CDK17: variants seen among roughly 807,000 people sequenced by gnomAD.
CDK17 encodes the protein cyclin dependent kinase 17.
A neutral mutation model predicts 77.6 loss-of-function variants in CDK17; 24 were observed. The observed-to-expected ratio is 0.31, with a 90% CI of 0.22 to 0.44. The LOEUF (loss-of-function observed/expected upper bound fraction) is 0.44, where lower values mean the gene tolerates loss of function less well. Among genes scored for constraint, CDK17 ranks in the 20% least tolerant of loss-of-function variants. The pLI, the probability that CDK17 is intolerant of heterozygous loss-of-function variation, is 1.00. For missense variants in CDK17, 429 were observed against 622.5 expected, an observed-to-expected ratio of 0.69 and a Z score of 3.31; for synonymous variants, 203 against 210.4, an observed-to-expected ratio of 0.96 and a Z score of 0.30.
At chr12:96,329,684 C>G (rs1408213151) in intron 2 of CDK17, among the ~76,000 whole-genome samples, 2 of 152,168 alleles carry the variant, frequency 1.3e-5, no homozygotes, top group African/African-American at 4.8e-5. Context: ...CTTAAACTCC[C>G]TATGTTATCC....
chr12:96,365,736 G>A (rs1039479027), intron 1 of CDK17, among the ~76,000 whole-genome samples: 5 of 152,100 alleles, frequency 3.3e-5, no homozygotes, highest in African/African-American at 9.7e-5. Flanking sequence ...TTTCTCTTAC[G>A]TATTTTTAAA....
intron 3 of CDK17, among the ~76,000 whole-genome samples, chr12:96,319,223 C>G (rs1314305499): frequency 6.6e-6 from 1 of 151,758 alleles, no homozygotes; most frequent in Admixed American, 6.6e-5. Flanking sequence ...TTCCTCAACA[C>G]ATACACTCTC....
chr12:96,334,369 G>A (rs1376089124), intron 2 of CDK17, among the ~76,000 whole-genome samples: 1 of 152,116 alleles, frequency 6.6e-6, no homozygotes, highest in Non-Finnish European at 1.5e-5. Flanking sequence ...GCACTTTTAA[G>A]CTGTATTAAC....
intron 5 of CDK17, among the ~76,000 whole-genome samples, chr12:96,308,229 T>TAAAA (rs61572243): frequency 1.6e-5 from 1 of 63,734 alleles, no homozygotes. Context: ...ATGCCATCTC[T>TAAAA]AAAAAAAAAA....
rs539808937 is a variant in CDK17 at position 96,353,297 on chromosome 12, T to G, written c.-29-18432A>C. ...ATGGAGATCCATTTATATAAATAAA[T>G]GTAGCTATACGTCATCTTTCTAAAT... On this transcript the variant is annotated intron_variant, in intron 1 of 16. Coordinates refer to ENST00000261211, the MANE Select transcript of CDK17 (RefSeq NM_002595.5). Among the ~76,000 whole-genome samples, 125 of 152,342 alleles carry G rather than the reference T, an allele frequency of 8.2e-4. 1 individual carries two copies. Among genetic ancestry groups the G allele is most frequent in the African/African-American group, 2.9e-3 (120 of 41,574 alleles).
intron 1 of CDK17, among the ~76,000 whole-genome samples, chr12:96,361,731 C>T (rs1206463051): frequency 2.6e-5 from 4 of 152,100 alleles, no homozygotes; most frequent in Admixed American, 6.5e-5. Context: ...TCTTACAAAA[C>T]GGAATCAAGA....
intron 1 of CDK17, among the ~76,000 whole-genome samples, chr12:96,397,023 C>T (rs971707256): frequency 6.6e-6 from 1 of 152,164 alleles, no homozygotes; most frequent in African/African-American, 2.4e-5. Context: ...ATAGCTACCC[C>T]AGTTGCCATT....
At chr12:96,299,677 C>A (rs1346069848) in intron 6 of CDK17, among the ~76,000 whole-genome samples, 4 of 152,226 alleles carry the variant, frequency 2.6e-5, no homozygotes, top group Non-Finnish European at 5.9e-5. Flanking sequence ...GCGTGAGCCA[C>A]CGCGCCCGGC....
chr12:96,297,149 C>T, intron 9 of CDK17, 121 bp downstream of exon 9: 1 of 572,152 alleles, frequency 1.7e-6, no homozygotes, highest in Non-Finnish European at 3.0e-6. Flanking sequence ...GGACAATAAC[C>T]TATTTAAAAG....
At chr12:96,365,592 T>C (rs1445715478) in intron 1 of CDK17, among the ~76,000 whole-genome samples, 1 of 152,246 alleles carries the variant, frequency 6.6e-6, no homozygotes, top group Non-Finnish European at 1.5e-5. Context: ...CTTGATAATC[T>C]GTTTCAAAAG....
chr12:96,282,257 A>G (rs1279102362), intron 15 of CDK17: 4 of 343,484 alleles, frequency 1.2e-5, no homozygotes, highest in Non-Finnish European at 2.1e-5. Context: ...ACTAAAGTCC[A>G]ATAAGATTAA....
chr12:96,294,100 G>A (rs1435839231), intron 10 of CDK17, among the ~76,000 whole-genome samples: 1 of 152,162 alleles, frequency 6.6e-6, no homozygotes, highest in African/African-American at 2.4e-5. Flanking sequence ...ATAATCACAT[G>A]AGCACTTTTC....
chr12:96,295,150 T>C, intron 9 of CDK17, 28 bp from the exon 10 acceptor site: 1 of 1,569,842 alleles, frequency 6.4e-7, no homozygotes, highest in Non-Finnish European at 8.7e-7. Context: ...TAAAAATTAG[T>C]CTTAAAGATG....
intron 9 of CDK17, among the ~76,000 whole-genome samples, chr12:96,296,196 T>G (rs1364490347): frequency 2.6e-5 from 4 of 152,190 alleles, no homozygotes; most frequent in Non-Finnish European, 5.9e-5. Context: ...ATTAAAGAAA[T>G]AAACGTCTCA....
chr12:96,316,862 CAG>C (rs1451857780), intron 3 of CDK17, among the ~76,000 whole-genome samples: 1 of 148,002 alleles, frequency 6.8e-6, no homozygotes, highest in African/African-American at 2.5e-5. Context: ...GGGGAAAAAA[CAG>C]AACAGAAAAA....
intron 1 of CDK17, among the ~76,000 whole-genome samples, chr12:96,396,673 T>C (rs1183441836): frequency 6.6e-6 from 1 of 152,172 alleles, no homozygotes; most frequent in African/African-American, 2.4e-5. Flanking sequence ...GTATGAAAAC[T>C]GAGACAATTT....
chr12:96,313,257 T>C (rs1952667083), intron 4 of CDK17, 64 bp downstream of exon 4: 1 of 1,313,552 alleles, frequency 7.6e-7, no homozygotes, highest in Non-Finnish European at 1.0e-6. Context: ...ACTTGATATG[T>C]ATGTGTATTA....
chr12:96,333,109 A>G (rs1021384385), intron 2 of CDK17, among the ~76,000 whole-genome samples: 4 of 151,980 alleles, frequency 2.6e-5, no homozygotes, highest in Non-Finnish European at 5.9e-5. Context: ...CTTCTATCCT[A>G]AGAGTAGGCA....
At chr12:96,367,276 T>A (rs902261718) in intron 1 of CDK17, among the ~76,000 whole-genome samples, 1 of 123,522 alleles carries the variant, frequency 8.1e-6, no homozygotes. Flanking sequence ...GCCTAGGAGG[T>A]GGAGGTTGCA....
Sources: allele counts gnomAD v4.1 joint callset (sites outside exome capture counted in the v4.1 genomes callset), GRCh38; gene constraint gnomAD v4.1.1; transcripts MANE v1.5; gene names NCBI Gene and HGNC (gene_info 2026-07-23, HGNC 2026-07-21).